Variants in POR observed in about 807,000 individuals in gnomAD.
POR encodes cytochrome p450 oxidoreductase, also known as NADPH--cytochrome P450 reductase.
In POR, 56 loss-of-function variants were observed where a neutral mutation model predicts 84.0. That is an observed-to-expected ratio of 0.67 (90% CI 0.54 to 0.83). The LOEUF (loss-of-function observed/expected upper bound fraction) is 0.83. POR is among the 40% of genes least tolerant of loss of function. The pLI, the probability that POR is intolerant of heterozygous loss-of-function variation, is 0.00. For missense variants in POR, 938 were observed against 944.3 expected, an observed-to-expected ratio of 0.99 and a Z score of 0.09; for synonymous variants, 414 against 400.5, an observed-to-expected ratio of 1.03 and a Z score of -0.40.
chr7:75,980,326 CCTGTTT>C lies in POR; in HGVS notation c.367-9_367-4del, dbSNP rs781970481. On this transcript the variant is annotated splice_region_variant and splice_polypyrimidine_tract_variant and intron_variant, in intron 4 of 15. Transcript: ENST00000461988. ...GTCATGGCCGGGGCGCGGTCCTGTC[CCTGTTT>C]CTGCAGGCCGACCTGAGCAGCCTGC... is the stretch of plus-strand genomic sequence containing the variant. The C allele has an allele frequency of 1.4e-5, 23 of 1,610,712 alleles. No individual in the cohort carries two copies. The African/African-American group carries it at 2.5e-4, about 18-fold the overall frequency.
chr7:75,937,471 CAA>C (rs782343328), intron 1 of POR, among the ~76,000 whole-genome samples: 3 of 20,144 alleles, frequency 1.5e-4, no homozygotes, highest in Admixed American at 5.9e-4. Flanking sequence ...GACCCTGTCT[CAA>C]AAAAAAAAAA....
rs1807381564 is a variant in POR, at chr7:75,930,875, T to C, written c.-5+15696T>C. Among the ~76,000 whole-genome samples, 5 of 151,596 alleles carry C rather than the reference T, an allele frequency of 3.3e-5. No homozygotes were observed. The Admixed American group carries it at 3.3e-4, about 10-fold the overall frequency. On this transcript the variant is annotated intron_variant, in intron 1 of 15. Coordinates refer to ENST00000461988, the MANE Select transcript of POR (RefSeq NM_000941.3). ...TCTTGCTCTGTCACCCAGGCTGGAG[T>C]GCAGTGTTGGGATCATATCTCACTG... is the stretch of plus-strand genomic sequence containing the variant.
intron 2 of POR, among the ~76,000 whole-genome samples, chr7:75,971,581 G>A (rs1788443038): frequency 6.6e-6 from 1 of 152,142 alleles, no homozygotes; most frequent in African/African-American, 2.4e-5. Flanking sequence ...CTGATCCTGA[G>A]GCTGGCGGGC....
intron 1 of POR, among the ~76,000 whole-genome samples, chr7:75,916,935 C>A (rs899396653): frequency 1.3e-5 from 2 of 152,146 alleles, no homozygotes; most frequent in African/African-American, 4.8e-5. Flanking sequence ...CCTTGAAAAT[C>A]AGAATCTGTG....
intron 2 of POR, 57 bp from the exon 3 acceptor site, chr7:75,972,356 A>G: frequency 6.7e-7 from 1 of 1,499,792 alleles, no homozygotes; most frequent in African/African-American, 1.4e-5. Context: ...ACGTCCCGTG[A>G]CACCTGTGTC....
In POR at chr7:75,985,562, C is replaced by T; in HGVS notation, c.1399-17C>T. The stretch of plus-strand genomic sequence containing the variant: ...GGCCTCGGTGTGGCGGTGGAGCTCA[C>T]ACGGCCCTCCCCACAGGTCCACCCC... On this transcript the variant is annotated splice_polypyrimidine_tract_variant and intron_variant, in intron 12 of 15. Coordinates refer to ENST00000461988, the MANE Select transcript of POR (RefSeq NM_000941.3). 1 of 1,516,250 alleles carries T rather than the reference C, an allele frequency of 6.6e-7. No individual in the cohort carries two copies. Among genetic ancestry groups the T allele is most frequent in the Non-Finnish European group, 8.9e-7 (1 of 1,127,578 alleles). The allele number at this position is 1,516,250 out of a possible 1,614,324, so 93.9% of individuals were successfully genotyped here.
At chr7:75,980,766 G>A in intron 5 of POR, 1 of 1,429,706 alleles carries the variant, frequency 7.0e-7, no homozygotes, top group South Asian at 1.4e-5. Context: ...CCTGGCCTCG[G>A]AGAGCTGGAG....
chr7:75,954,728 A>G (rs1187262810), intron 2 of POR, among the ~76,000 whole-genome samples: 1 of 146,470 alleles, frequency 6.8e-6, no homozygotes, highest in Non-Finnish European at 1.5e-5. Context: ...TTTTTTTTGA[A>G]GCAGAATCTT....
intron 1 of POR, among the ~76,000 whole-genome samples, chr7:75,950,252 G>A (rs550920611): frequency 5.3e-5 from 8 of 152,302 alleles, no homozygotes; most frequent in Admixed American, 1.3e-4. Context: ...CGGTGATTAC[G>A]TAGGTGCAGA....
At chr7:75,919,382 CGTGTGTGTGTGT>C (rs56136603) in intron 1 of POR, among the ~76,000 whole-genome samples, 1 of 146,432 alleles carries the variant, frequency 6.8e-6, no homozygotes, top group African/African-American at 2.5e-5. Context: ...TCTGTGCGTG[CGTGTGTGTGTGT>C]GTGTGTGTGT....
rs200986397 is a variant in POR, at chr7:75,984,826, G to A, written c.1116G>A (p.Thr372=). 2.3e-5 allele frequency: 37 copies of A among 1,612,606 alleles called. No individual in the cohort carries two copies. Among genetic ancestry groups the A allele is most frequent in the Admixed American group, 3.3e-5 (2 of 60,000 alleles). The change falls in exon 11 of 16, where the codon ACG becomes ACA. Residue 372 remains threonine (T), a synonymous_variant. Coordinates refer to ENST00000461988, the MANE Select transcript of POR (RefSeq NM_000941.3). ...TCCCGTGCCCTACGTCCTACCGCAC[G>A]GCCCTCACCTACTACCTGGACATCA...
At position 75,981,148 on chromosome 7, in the gene POR, T is replaced by A. The variant is rs1563430730; in HGVS notation, c.617T>A (p.Leu206Gln). 6.4e-7 allele frequency: 1 copy of A among 1,552,054 alleles called. No homozygotes were observed. The highest frequency in any genetic ancestry group is 1.4e-5 in the African/African-American group (1 of 73,210). The change falls in exon 6 of 16, where the codon CTG (leucine) becomes CAG (glutamine). Residue 206 changes from leucine (L) to glutamine (Q), a missense_variant. Transcript: ENST00000461988. ...CTCGGCGCCCAGCGCATCTTTGAGC[T>A]GGGGTTGGGCGACGACGATGGGAAG...
chr7:75,973,458 T>G (rs1788530501), intron 3 of POR, among the ~76,000 whole-genome samples: 1 of 151,764 alleles, frequency 6.6e-6, no homozygotes, highest in Admixed American at 6.6e-5. Context: ...GGACTACAGG[T>G]GCACACCACC....
intron 2 of POR, among the ~76,000 whole-genome samples, chr7:75,962,376 C>T (rs1167997053): frequency 2.6e-5 from 4 of 152,134 alleles, no homozygotes; most frequent in African/African-American, 9.7e-5. Flanking sequence ...TCACTACAGC[C>T]TCTACCTCCC....
intron 2 of POR, among the ~76,000 whole-genome samples, chr7:75,956,796 G>T: frequency 6.6e-6 from 1 of 152,006 alleles, no homozygotes; most frequent in East Asian, 1.9e-4. Flanking sequence ...TGCAATCTCG[G>T]CTCACTGCAA....
At chr7:75,942,070 A>G (rs1273361030) in intron 1 of POR, among the ~76,000 whole-genome samples, 1 of 152,086 alleles carries the variant, frequency 6.6e-6, no homozygotes, top group Non-Finnish European at 1.5e-5. Flanking sequence ...AAATATTTAA[A>G]AAGTTAGCTG....
At position 75,985,684 on chromosome 7, in the gene POR, C is replaced by T. The variant is rs782474249; in HGVS notation, c.1504C>T (p.Pro502Ser). 1.9e-6 allele frequency: 3 copies of T among 1,594,424 alleles called. No individual in the cohort carries two copies. The highest frequency in any genetic ancestry group is 2.3e-5 in the South Asian group (2 of 87,690). The change falls in exon 13 of 16, where the codon CCT becomes TCT. Residue 502 changes from proline (P) to serine (S), a missense_variant. By Grantham distance (74) the Pro-to-Ser change is moderately conservative. Transcript: ENST00000461988. ...CACCAACTGGCTGCGGGCCAAGGAG[C>T]CTGCCGGGGAGAACGGCGGCCGTGC...
At chr7:75,949,080 G>A (rs1456187191) in intron 1 of POR, among the ~76,000 whole-genome samples, 1 of 152,202 alleles carries the variant, frequency 6.6e-6, no homozygotes, top group African/African-American at 2.4e-5. Flanking sequence ...GGTGGTGGGA[G>A]TGGGTTCTGA....
intron 1 of POR, among the ~76,000 whole-genome samples, chr7:75,932,262 C>T (rs2116281090): frequency 6.6e-6 from 1 of 151,620 alleles, no homozygotes; most frequent in Middle Eastern, 3.4e-3. Flanking sequence ...CTCACTGCAA[C>T]CTCCGCCTCC....
Sources: allele counts gnomAD v4.1 joint callset (sites outside exome capture counted in the v4.1 genomes callset), GRCh38; gene constraint gnomAD v4.1.1; transcripts MANE v1.5; gene names NCBI Gene and HGNC (gene_info 2026-07-23, HGNC 2026-07-21).